The following CTBP2 variants were observed in gnomAD, a reference collection of about 807,000 sequenced individuals.
CTBP2 encodes C-terminal binding protein 2.
Under a neutral mutation model 80.3 loss-of-function variants are expected in CTBP2, and 30 were observed. The ratio of observed to expected loss-of-function variants is 0.37; its 90% CI spans 0.28 to 0.51. The LOEUF is 0.51. Ranked by LOEUF, CTBP2 falls within the 20% of genes least tolerant of loss-of-function variation. CTBP2 has a pLI of 0.93. For missense variants in CTBP2, 1,212 were observed against 1,375.3 expected (o/e 0.88, Z 1.88); for synonymous variants, 594 against 587.4 (o/e 1.01, Z -0.16).
chr10:125,157,312 G>A (rs1303375785), intron 1 of CTBP2, among the ~76,000 whole-genome samples: 22 of 146,814 alleles, frequency 1.5e-4, no homozygotes, highest in Non-Finnish European at 3.1e-4. Flanking sequence ...AGGCGAAACC[G>A]TAAATAACTC....
intron 3 of CTBP2, among the ~76,000 whole-genome samples, chr10:125,033,096 G>A (rs1259953790): frequency 1.3e-5 from 2 of 152,160 alleles, no homozygotes; most frequent in African/African-American, 4.8e-5. Context: ...CCCATCCCAG[G>A]TTGCAAATGG....
chr10:125,006,920 T>C (rs1403053834), intron 1 of CTBP2, among the ~76,000 whole-genome samples: 2 of 152,220 alleles, frequency 1.3e-5, no homozygotes, highest in East Asian at 1.9e-4. Flanking sequence ...GCCTTTTCCA[T>C]GCGTACAGAC....
At chr10:125,153,397 G>C (rs1467487468) in intron 1 of CTBP2, among the ~76,000 whole-genome samples, 1 of 152,210 alleles carries the variant, frequency 6.6e-6, no homozygotes, top group Non-Finnish European at 1.5e-5. Flanking sequence ...ACCTGAACAA[G>C]CAGCGGATAA....
chr10:125,063,663 AC>A (rs1203049668), intron 2 of CTBP2, among the ~76,000 whole-genome samples: 2 of 152,162 alleles, frequency 1.3e-5, no homozygotes, highest in Non-Finnish European at 2.9e-5. Context: ...GATGGCGCAA[AC>A]TCAATGGTGG....
intron 2 of CTBP2, among the ~76,000 whole-genome samples, chr10:125,108,315 G>A (rs1380464901): frequency 6.6e-6 from 1 of 152,210 alleles, no homozygotes; most frequent in South Asian, 2.1e-4. Context: ...TTTAAAATTA[G>A]GACATGCTAA....
chr10:125,076,584 G>A (rs916187542), intron 2 of CTBP2, among the ~76,000 whole-genome samples: 1 of 152,172 alleles, frequency 6.6e-6, no homozygotes. Flanking sequence ...GGACTTGAGA[G>A]GCAGCGCGCC....
At chr10:125,059,240 G>T (rs3012069) in intron 2 of CTBP2, among the ~76,000 whole-genome samples, 84,767 of 151,984 alleles carry the variant, frequency 0.56, 26,432 homozygotes, top group African/African-American at 0.85. Context: ...GAAAATCAGC[G>T]ATATGAAGGT....
intron 2 of CTBP2, among the ~76,000 whole-genome samples, chr10:125,076,954 C>A (rs192648008): frequency 1.9e-4 from 29 of 152,302 alleles, no homozygotes; most frequent in Admixed American, 1.7e-3. Context: ...CCATTAATTA[C>A]AATAACAAGA....
chr10:125,026,011 A>C, intron 1 of CTBP2: 4 of 1,510,918 alleles, frequency 2.6e-6, no homozygotes, highest in Non-Finnish European at 3.5e-6. Flanking sequence ...CCTATGTTCA[A>C]ACTTCTACAA....
Position 125,027,166 on chromosome 10 carries a change from A to AT in CTBP2, c.593dup (p.Tyr198Ter). The AT allele has an allele frequency of 1.2e-6, 2 of 1,605,402 alleles. No homozygotes were observed. Among genetic ancestry groups the AT allele is most frequent in the Non-Finnish European group, 1.7e-6 (2 of 1,173,658 alleles). ...GGGGGTAGGCAGGCACCTCCGCCCC[A>AT]TACCTGGTGTCGGGCTGCTCCCGTC... Residue 198 changes from tyrosine to a stop codon, truncating the protein, a stop_gained and frameshift_variant, in exon 1 of 9, where the codon TAT becomes TAAT. Transcript: ENST00000309035. LOFTEE classifies it high-confidence loss of function.
At chr10:125,095,512 G>A (rs1849408054) in intron 2 of CTBP2, among the ~76,000 whole-genome samples, 2 of 152,164 alleles carry the variant, frequency 1.3e-5, no homozygotes, top group Admixed American at 6.5e-5. Context: ...GTTGGTGTTA[G>A]GGGTCACCAG....
intron 2 of CTBP2, chr10:125,100,527 A>G (rs991685321): frequency 2.0e-5 from 3 of 152,188 alleles, no homozygotes; most frequent in Non-Finnish European, 4.4e-5. Context: ...ACATTTTTGG[A>G]AAAAAAATTT....
At chr10:125,094,872 T>C (rs925945022) in intron 2 of CTBP2, among the ~76,000 whole-genome samples, 13 of 152,110 alleles carry the variant, frequency 8.5e-5, no homozygotes, top group Non-Finnish European at 1.8e-4. Context: ...ATTTTTTTTT[T>C]TTTTTTAACC....
chr10:125,026,869 C>T lies in CTBP2; in HGVS notation c.891G>A (p.Leu297=), dbSNP rs753304514. Residue 297 remains leucine (L), a synonymous_variant, in exon 1 of 9, where the codon CTG becomes CTA. Coordinates refer to ENST00000309035, the MANE Select transcript of CTBP2 (RefSeq NM_022802.3). Reference sequence around the variant, plus strand: ...TGGCCTCTGCCAGCCCCTCCGCCCGCAGAAAGGCCAGGAACTCAGGGAGCA... The same window carrying T: ...TGGCCTCTGCCAGCCCCTCCGCCCGTAGAAAGGCCAGGAACTCAGGGAGCA... 2.9e-5 allele frequency: 47 copies of T among 1,613,832 alleles called. No individual in the cohort carries two copies. The South Asian group carries it at 5.2e-4, about 18-fold the overall frequency.
intron 3 of CTBP2, among the ~76,000 whole-genome samples, chr10:125,037,075 A>AAC (rs1958982409): frequency 1.3e-5 from 2 of 152,226 alleles, no homozygotes; most frequent in Non-Finnish European, 2.9e-5. Flanking sequence ...TTTAAAATAT[A>AAC]TAACTGCAAA....
chr10:125,012,147 A>G (rs939898787), intron 1 of CTBP2, among the ~76,000 whole-genome samples: 3 of 152,186 alleles, frequency 2.0e-5, no homozygotes, highest in African/African-American at 7.2e-5. Context: ...CTCTGCTTCT[A>G]TTTCTGGTGA....
At chr10:125,134,840 C>A (rs1041464496) in intron 1 of CTBP2, among the ~76,000 whole-genome samples, 1 of 151,960 alleles carries the variant, frequency 6.6e-6, no homozygotes, top group African/African-American at 2.4e-5. Flanking sequence ...CAGGCATAGC[C>A]CTCCCCACTC....
rs923314722 is a variant in CTBP2 at position 124,984,406 on chromosome 10, G to T, written c.*5112C>A. 1.1e-5 allele frequency: 2 copies of T among 186,364 alleles called. No homozygotes were observed. The highest frequency in any genetic ancestry group is 2.3e-5 in the African/African-American group (1 of 42,610). 11.5% of individuals were successfully genotyped at this position (186,364 alleles called of 1,614,324 possible). A position where few individuals can be genotyped will look rare whatever the true frequency, so the allele number is the denominator to read the frequency against. On this transcript the variant is annotated 3_prime_UTR_variant, in exon 9 of 9. Transcript: ENST00000309035. ...CATGAAGAAAAAAAGTTCATAGACC[G>T]TAACTTGTATAATTTCAGCTTGTAC...
chr10:125,130,168 C>A (rs1855930594), intron 1 of CTBP2, among the ~76,000 whole-genome samples: 1 of 151,982 alleles, frequency 6.6e-6, no homozygotes, highest in South Asian at 2.1e-4. Context: ...CTGCCTCAGT[C>A]TCCCAAGTAG....
Sources: gnomAD v4.1 joint callset for allele counts (sites outside exome capture counted in the v4.1 genomes callset) on GRCh38, gnomAD v4.1.1 for gene constraint, MANE v1.5 for transcripts, NCBI Gene and HGNC (gene_info 2026-07-23, HGNC 2026-07-21) for gene names.